Variants in PPP6R3 observed in about 807,000 individuals in gnomAD.
PPP6R3 encodes protein phosphatase 6 regulatory subunit 3.
Under a neutral mutation model 110.7 loss-of-function variants are expected in PPP6R3, and 38 were observed. That is an observed-to-expected ratio of 0.34 (90% CI 0.26 to 0.45). The LOEUF is 0.45. PPP6R3 is among the 20% of genes least tolerant of loss of function. PPP6R3 has a pLI of 1.00. For synonymous variants in PPP6R3, 369 were observed against 373.5 expected (o/e 0.99, Z 0.14); for missense variants, 870 against 1,062.4 (o/e 0.82, Z 2.52).
intron 2 of PPP6R3, among the ~76,000 whole-genome samples, chr11:68,521,465 A>G (rs2099163818): frequency 6.6e-6 from 1 of 151,994 alleles, no homozygotes; most frequent in Admixed American, 6.6e-5. Flanking sequence ...ACAATTTCTT[A>G]CCTTTAGTTA....
At chr11:68,533,422 G>T (rs76165258) in intron 2 of PPP6R3, among the ~76,000 whole-genome samples, 12,746 of 152,096 alleles carry the variant, frequency 0.084, 630 homozygotes, top group Middle Eastern at 0.17. Context: ...GGAGCAAAAG[G>T]AATTAGCTGG....
intron 4 of PPP6R3, among the ~76,000 whole-genome samples, chr11:68,547,566 C>G (rs1456882972): frequency 6.6e-6 from 1 of 152,196 alleles, no homozygotes; most frequent in Non-Finnish European, 1.5e-5. Flanking sequence ...AAGTCAAAAT[C>G]AAAGGCGATG....
chr11:68,577,197 C>T (rs1317250543), intron 14 of PPP6R3, among the ~76,000 whole-genome samples: 1 of 152,134 alleles, frequency 6.6e-6, no homozygotes. Context: ...GTATTGACAG[C>T]CCTGGGTCAT....
intron 1 of PPP6R3, among the ~76,000 whole-genome samples, chr11:68,474,791 T>C (rs996465783): frequency 6.6e-6 from 1 of 152,218 alleles, no homozygotes; most frequent in Admixed American, 6.5e-5. Context: ...TGGTAGTTTA[T>C]GTTAAAAAGT....
chr11:68,591,371 T>C (rs2099594859), intron 17 of PPP6R3, among the ~76,000 whole-genome samples: 1 of 152,210 alleles, frequency 6.6e-6, no homozygotes, highest in Non-Finnish European at 1.5e-5. Context: ...TGCTAGTCTT[T>C]TTAGGGAAAC....
chr11:68,473,416 A>G (rs1565243505), intron 1 of PPP6R3, among the ~76,000 whole-genome samples: 1 of 152,234 alleles, frequency 6.6e-6, no homozygotes, highest in Non-Finnish European at 1.5e-5. Context: ...TTACCTTGCC[A>G]TGCGTATCTC....
intron 4 of PPP6R3, 41 bp from the exon 5 acceptor site, chr11:68,548,026 C>G: frequency 1.9e-6 from 3 of 1,583,696 alleles, no homozygotes; most frequent in Non-Finnish European, 2.6e-6. Context: ...TTATAGTTTC[C>G]AAGTTACATG....
intron 11 of PPP6R3, among the ~76,000 whole-genome samples, chr11:68,570,275 C>G (rs1174514982): frequency 6.6e-6 from 1 of 152,188 alleles, no homozygotes. Context: ...GACTGAAAGT[C>G]AGGAGAACTG....
intron 5 of PPP6R3, 57 bp from the exon 6 acceptor site, chr11:68,551,064 T>C: frequency 8.4e-7 from 1 of 1,195,536 alleles, no homozygotes; most frequent in Non-Finnish European, 1.2e-6. Flanking sequence ...TAATCTACAT[T>C]GGGGCTTGAA....
intron 1 of PPP6R3, among the ~76,000 whole-genome samples, chr11:68,465,949 A>G (rs1055364330): frequency 3.3e-5 from 5 of 152,002 alleles, no homozygotes; most frequent in African/African-American, 1.2e-4. Context: ...AAGCAGTGCC[A>G]TTCTTCCCAT....
At chr11:68,551,330 A>T in intron 6 of PPP6R3, 144 bp downstream of exon 6, 1 of 635,726 alleles carries the variant, frequency 1.6e-6, no homozygotes, top group Non-Finnish European at 2.6e-6. Flanking sequence ...CTTAAAGTTG[A>T]TACTTTTCTA....
intron 2 of PPP6R3, 63 bp from the exon 3 acceptor site, chr11:68,537,596 G>T: frequency 8.8e-7 from 1 of 1,131,484 alleles, no homozygotes; most frequent in South Asian, 1.6e-5. Flanking sequence ...ACTGAAATAT[G>T]AATTATGGAA....
intron 1 of PPP6R3, among the ~76,000 whole-genome samples, chr11:68,497,867 TC>T (rs1565428304): frequency 6.6e-6 from 1 of 152,186 alleles, no homozygotes; most frequent in Non-Finnish European, 1.5e-5. Context: ...TGTGTTTTTT[TC>T]TGAGTTTTGA....
Position 68,614,086 on chromosome 11 carries a change from C to G in PPP6R3, c.*969C>G. On this transcript the variant is annotated 3_prime_UTR_variant, in exon 24 of 24. Coordinates refer to ENST00000393800, the MANE Select transcript of PPP6R3 (RefSeq NM_001164161.2). ...ATTAGGCAAGTCAGTTGAAAATGCT[C>G]GTGCTGCTAATGGAATTAGAGTGCG... 1.0e-6 allele frequency: 1 copy of G among 985,814 alleles called. No individual in the cohort carries two copies. The highest frequency in any genetic ancestry group is 1.2e-6 in the Non-Finnish European group (1 of 830,006). The allele number at this position is 985,814 out of a possible 1,614,324, so 61.1% of individuals were successfully genotyped here. A position where few individuals can be genotyped will look rare whatever the true frequency, so the allele number is the denominator to read the frequency against.
At chr11:68,497,324 G>A (rs1414550634) in intron 1 of PPP6R3, among the ~76,000 whole-genome samples, 1 of 151,794 alleles carries the variant, frequency 6.6e-6, no homozygotes, top group Non-Finnish European at 1.5e-5. Flanking sequence ...AAAGTGCTGG[G>A]ATTACAGGCA....
intron 8 of PPP6R3, among the ~76,000 whole-genome samples, chr11:68,560,023 A>G (rs572211417): frequency 7.4e-4 from 112 of 152,070 alleles, no homozygotes; most frequent in Admixed American, 1.4e-3. Flanking sequence ...TACTCATGCT[A>G]CAAGGCCATC....
At chr11:68,541,196 C>T (rs2099313413) in intron 3 of PPP6R3, among the ~76,000 whole-genome samples, 1 of 152,198 alleles carries the variant, frequency 6.6e-6, no homozygotes, top group Non-Finnish European at 1.5e-5. Context: ...CGTTCTTCTG[C>T]CATGGCTTCA....
In PPP6R3 at chr11:68,548,061, C is replaced by G. The variant is rs368608754; in HGVS notation, c.415-6C>G. ...GTCTTTCAGTTTCTGATCTGTTCTTCTCTAGATTGTGGATTTCTTAAAGAA... is the reference window on the plus strand; with the variant it reads ...GTCTTTCAGTTTCTGATCTGTTCTTGTCTAGATTGTGGATTTCTTAAAGAA... On this transcript the variant is annotated splice_region_variant and splice_polypyrimidine_tract_variant and intron_variant, in intron 4 of 23. Transcript: ENST00000393800. 7 of 1,612,762 alleles carry G rather than the reference C, an allele frequency of 4.3e-6. No individual in the cohort carries two copies. The highest frequency in any genetic ancestry group is 5.9e-6 in the Non-Finnish European group (7 of 1,179,098).
Position 68,590,713 on chromosome 11 carries a change from G to C in PPP6R3, c.1784G>C (p.Ser595Thr). ...DINFTLNTNE[S>T]GNIALFEACC... Reference sequence around the variant, plus strand: ...AACTTTACTCTCAATACAAATGAAAGTGTAAGTATAAACTCTGTTGTGAGC... The same window carrying C: ...AACTTTACTCTCAATACAAATGAAACTGTAAGTATAAACTCTGTTGTGAGC... The change falls in exon 17 of 24, where the codon AGT (serine) becomes ACT (threonine). Residue 595 changes from serine (S) to threonine (T), a missense_variant and splice_region_variant. Coordinates refer to ENST00000393800, the MANE Select transcript of PPP6R3 (RefSeq NM_001164161.2). 1 of 1,591,914 alleles carries C rather than the reference G, an allele frequency of 6.3e-7. No homozygotes were observed.
Sources: gnomAD v4.1 joint callset for allele counts (sites outside exome capture counted in the v4.1 genomes callset) on GRCh38, gnomAD v4.1.1 for gene constraint, MANE v1.5 for transcripts, NCBI Gene and HGNC (gene_info 2026-07-23, HGNC 2026-07-21) for gene names.